KASH5: variants seen among roughly 807,000 people sequenced by gnomAD.
KASH5 encodes the protein protein KASH5.
Under a neutral mutation model 84.2 loss-of-function variants are expected in KASH5, and 72 were observed. The observed-to-expected ratio is 0.85, with a 90% CI of 0.71 to 1.04. KASH5 has a LOEUF of 1.04. Among genes scored for constraint, KASH5 ranks in the 50% least tolerant of loss-of-function variants. The pLI is 0.00. For missense variants in KASH5, 650 were observed against 701.0 expected, an observed-to-expected ratio of 0.93 and a Z score of 0.82; for synonymous variants, 260 against 279.1, an observed-to-expected ratio of 0.93 and a Z score of 0.68.
chr19:49,408,740 G>A (rs970968663), intron 12 of KASH5, among the ~76,000 whole-genome samples: 2 of 152,198 alleles, frequency 1.3e-5, no homozygotes, highest in Admixed American at 6.5e-5. Context: ...GAGCCACTGC[G>A]CCTGGCCTCT....
Position 49,399,933 on chromosome 19 carries a change from AC to A in KASH5, c.798+427del, listed in dbSNP as rs1444378535. 25 of 175,378 alleles carry A rather than the reference AC, an allele frequency of 1.4e-4. No homozygotes were observed. The highest frequency in any genetic ancestry group is 5.6e-4 in the African/African-American group (24 of 42,838). The allele number at this position is 175,378 out of a possible 1,614,324, so 10.9% of individuals were successfully genotyped here. A position where few individuals can be genotyped will look rare whatever the true frequency, so the allele number is the denominator to read the frequency against. ...CATTGTTTCTATATTAGTATTTTTT[AC>A]AGTGAATAAAACAGCCAGGCACAGT... is the stretch of plus-strand genomic sequence containing the variant. On this transcript the variant is annotated intron_variant, in intron 9 of 19. Transcript: ENST00000447857. This position sits in a 1 kb window ranked among gnomAD's most constrained non-coding sequence, Gnocchi z 4.4.
At chr19:49,397,083 A>G (rs1177612595) in intron 5 of KASH5, among the ~76,000 whole-genome samples, 2 of 151,484 alleles carry the variant, frequency 1.3e-5, no homozygotes, top group Admixed American at 6.6e-5. Context: ...AATGGTGGTC[A>G]TGTTCCATTT....
intron 9 of KASH5, among the ~76,000 whole-genome samples, chr19:49,404,805 G>A (rs1262757014): frequency 6.6e-6 from 1 of 152,120 alleles, no homozygotes; most frequent in African/African-American, 2.4e-5. Flanking sequence ...ACTCCTGAAT[G>A]GCACAATTTG....
At chr19:49,409,437 C>T (rs1387716430) in intron 14 of KASH5, among the ~76,000 whole-genome samples, 154 bp downstream of exon 14, 3 of 152,174 alleles carry the variant, frequency 2.0e-5, no homozygotes, top group Admixed American at 6.5e-5. Flanking sequence ...CTCTCTACCT[C>T]GGATCCTAAC....
At position 49,409,262 on chromosome 19, in the gene KASH5, G is replaced by A. The variant is rs753773273; in HGVS notation, c.1125G>A (p.Leu375=). 5 of 1,613,894 alleles carry A rather than the reference G, an allele frequency of 3.1e-6. No homozygotes were observed. The South Asian group carries it at 5.5e-5, about 18-fold the overall frequency. The part of the protein sequence containing the change: ...WTELLPPSLG[L]EIEAIRQKQE... ...AGCTGCTACCCCCATCGCTGGGCTTGGAGATCGAGGCCATTCGACAGGTGG... is the reference window on the plus strand; with the variant it reads ...AGCTGCTACCCCCATCGCTGGGCTTAGAGATCGAGGCCATTCGACAGGTGG... Residue 375 remains leucine (L), a synonymous_variant, in exon 14 of 20, where the codon TTG becomes TTA. Transcript: ENST00000447857.
Position 49,417,714 on chromosome 19 carries a change from T to C in KASH5, c.*204T>C. On this transcript the variant is annotated 3_prime_UTR_variant, in exon 20 of 20. Coordinates refer to ENST00000447857, the MANE Select transcript of KASH5 (RefSeq NM_144688.5). This position sits in a 1 kb window ranked among gnomAD's most constrained non-coding sequence, Gnocchi z 5.2. Reference sequence around the variant, plus strand: ...AACAATAGCAAAACTCCCCCAGTAATGGATTAAGCACTAAGGATTATTCCC... The same window carrying C: ...AACAATAGCAAAACTCCCCCAGTAACGGATTAAGCACTAAGGATTATTCCC... 1 of 619,704 alleles carries C rather than the reference T, an allele frequency of 1.6e-6. No homozygotes were observed. Among genetic ancestry groups the C allele is most frequent in the Non-Finnish European group, 2.5e-6 (1 of 400,976 alleles). 38.4% of individuals were successfully genotyped at this position (619,704 alleles called of 1,614,324 possible). A position where few individuals can be genotyped will look rare whatever the true frequency, so the allele number is the denominator to read the frequency against.
rs985261063 is a variant in KASH5 at position 49,416,301 on chromosome 19, T to A, written c.1375-714T>A. The stretch of plus-strand genomic sequence containing the variant: ...TCCACCTCCCAGGTTCACACCATTC[T>A]CCTGCCTCAGCCTCCCAAGTAGCTG... On this transcript the variant is annotated intron_variant, in intron 17 of 19. Transcript: ENST00000447857. This position sits in a 1 kb window ranked among gnomAD's most constrained non-coding sequence, Gnocchi z 5.4. Among the ~76,000 whole-genome samples, 5 of 152,204 alleles carry A rather than the reference T, an allele frequency of 3.3e-5. No homozygotes were observed. The highest frequency in any genetic ancestry group is 9.6e-5 in the African/African-American group (4 of 41,458).
At chr19:49,400,458 C>T (rs979599369) in intron 9 of KASH5, among the ~76,000 whole-genome samples, 5 of 151,400 alleles carry the variant, frequency 3.3e-5, no homozygotes, top group Middle Eastern at 3.4e-3. Flanking sequence ...CACCGTCTCC[C>T]GGTTCAAGTG....
At chr19:49,396,054 C>T (rs926177722) in intron 5 of KASH5, among the ~76,000 whole-genome samples, 1 of 152,030 alleles carries the variant, frequency 6.6e-6, no homozygotes, top group African/African-American at 2.4e-5. Context: ...TCACACCAGC[C>T]CTATTAGAGA....
intron 5 of KASH5, among the ~76,000 whole-genome samples, chr19:49,396,767 T>TA (rs1261947614): frequency 6.9e-6 from 1 of 144,070 alleles, no homozygotes; most frequent in Admixed American, 6.8e-5. Context: ...AGGTGCTCCA[T>TA]AAAAAAAGTG....
At chr19:49,390,653 G>A in intron 1 of KASH5, 136 bp from the exon 2 acceptor site, 1 of 446,198 alleles carries the variant, frequency 2.2e-6, no homozygotes, top group Non-Finnish European at 4.0e-6. Context: ...ACAGGTCAGA[G>A]CGGAGCTGCT....
rs371800278 is a variant in KASH5 at position 49,396,337 on chromosome 19, C to T, written c.400+504C>T. On this transcript the variant is annotated intron_variant, in intron 5 of 19. Transcript: ENST00000447857. ...TGGCGCAATCTCAGCTCACCGCCAC[C>T]CCCGCCTCCTGGGTTCAAGCAGTTC... is the stretch of plus-strand genomic sequence containing the variant. 9.2e-5 allele frequency among the ~76,000 whole-genome samples: 14 copies of T among 152,024 alleles called. No individual in the cohort carries two copies. The East Asian group carries it at 9.7e-4, about 10-fold the overall frequency.
intron 11 of KASH5, 132 bp downstream of exon 11, chr19:49,407,428 C>T: frequency 8.6e-7 from 1 of 1,165,788 alleles, no homozygotes; most frequent in Non-Finnish European, 1.2e-6. Flanking sequence ...GAGGGTTTCC[C>T]CAGGTCCCAA....
In KASH5 at chr19:49,409,859, C is replaced by A; in HGVS notation, c.1253C>A (p.Ala418Asp). The A allele has an allele frequency of 6.2e-7, 1 of 1,613,790 alleles. No homozygotes were observed. Among genetic ancestry groups the A allele is most frequent in the Admixed American group, 1.7e-5 (1 of 60,010 alleles). The stretch of plus-strand genomic sequence containing the variant: ...GAGGAAACTGAGTTTCCATCTGAAG[C>A]CCCAGCTGGGGGACAGGTGAGCACA... Reference protein sequence around the residue: ...TSEETEFPSEAPAGGQRNFQG... With the variant: ...TSEETEFPSEDPAGGQRNFQG... Residue 418 changes from alanine (A) to aspartate (D), a missense_variant, in exon 15 of 20, where the codon GCC becomes GAC. Coordinates refer to ENST00000447857, the MANE Select transcript of KASH5 (RefSeq NM_144688.5).
At chr19:49,415,866 G>A (rs1974888851) in intron 17 of KASH5, among the ~76,000 whole-genome samples, 1 of 152,176 alleles carries the variant, frequency 6.6e-6, no homozygotes, top group African/African-American at 2.4e-5. Flanking sequence ...TTGGTGTTCT[G>A]TTTTTATTTA....
At chr19:49,388,993 C>T (rs1973904293) in intron 1 of KASH5, among the ~76,000 whole-genome samples, 1 of 151,892 alleles carries the variant, frequency 6.6e-6, no homozygotes, top group Non-Finnish European at 1.5e-5. Flanking sequence ...GAAACGGAGA[C>T]CCCGAAATGC....
At position 49,412,823 on chromosome 19, in the gene KASH5, A is replaced by G; in HGVS notation, c.1270-145A>G. On this transcript the variant is annotated intron_variant, in intron 15 of 19. Transcript: ENST00000447857. The surrounding 1 kb of genome is among the most constrained non-coding windows in gnomAD (Gnocchi z 4.6). ...GCACGAGAGGAGGGCAGGTTGTAGA[A>G]GGTGGTGAATTCATGTGTAGGTTGC... 1 of 692,634 alleles carries G rather than the reference A, an allele frequency of 1.4e-6. No homozygotes were observed. The highest frequency in any genetic ancestry group is 2.5e-6 in the Non-Finnish European group (1 of 402,884). The allele number at this position is 692,634 out of a possible 1,614,324, so 42.9% of individuals were successfully genotyped here.
chr19:49,417,618 T>G lies in KASH5; in HGVS notation c.*108T>G. ...CACTGTTGCGCAGGCTTACCCTAGA[T>G]AGAGTACAGGGGATCCACATCCCTG... On this transcript the variant is annotated 3_prime_UTR_variant, in exon 20 of 20. Transcript: ENST00000447857. This position sits in a 1 kb window ranked among gnomAD's most constrained non-coding sequence, Gnocchi z 5.2. 3.7e-6 allele frequency: 5 copies of G among 1,353,892 alleles called. No homozygotes were observed. The South Asian group carries it at 4.8e-5, about 13-fold the overall frequency. 83.9% of individuals were successfully genotyped at this position (1,353,892 alleles called of 1,614,324 possible). A position where few individuals can be genotyped will look rare whatever the true frequency, so the allele number is the denominator to read the frequency against.
At chr19:49,404,337 A>G (rs1467489602) in intron 9 of KASH5, among the ~76,000 whole-genome samples, 2 of 152,142 alleles carry the variant, frequency 1.3e-5, no homozygotes, top group Non-Finnish European at 2.9e-5. Flanking sequence ...ACCCTGTGCA[A>G]CTTGATAGGT....
Sources: gnomAD v4.1 joint callset for allele counts (sites outside exome capture counted in the v4.1 genomes callset) on GRCh38, gnomAD v4.1.1 for gene constraint, Gnocchi (gnomAD v3.1) non-coding constraint, MANE v1.5 for transcripts, NCBI Gene and HGNC (gene_info 2026-07-23, HGNC 2026-07-21) for gene names.